Variants in GPC6 observed in about 807,000 individuals in gnomAD.
The protein encoded by GPC6 is glypican 6.
Under a neutral mutation model 55.2 loss-of-function variants are expected in GPC6, and 14 were observed. The observed-to-expected ratio is 0.25, with a 90% CI of 0.17 to 0.40. The LOEUF is 0.40. Ranked by LOEUF, GPC6 falls within the 10% of genes least tolerant of loss-of-function variation. GPC6 has a pLI of 1.00. For missense variants in GPC6, 641 were observed against 708.5 expected, an observed-to-expected ratio of 0.90 and a Z score of 1.08; for synonymous variants, 278 against 259.6, an observed-to-expected ratio of 1.07 and a Z score of -0.68.
At chr13:94,250,107 G>A (rs1386381396) in intron 4 of GPC6, among the ~76,000 whole-genome samples, 1 of 152,188 alleles carries the variant, frequency 6.6e-6, no homozygotes, top group African/African-American at 2.4e-5. Flanking sequence ...ATTAAGCACT[G>A]TGGATGAACA....
intron 4 of GPC6, among the ~76,000 whole-genome samples, chr13:94,240,739 G>A (rs1007137273): frequency 1.3e-5 from 2 of 152,136 alleles, no homozygotes; most frequent in Non-Finnish European, 2.9e-5. Context: ...GAGTGTGGGG[G>A]CACAGCAGTG....
chr13:93,554,910 A>G (rs1300944565), intron 2 of GPC6, among the ~76,000 whole-genome samples: 1 of 152,218 alleles, frequency 6.6e-6, no homozygotes, highest in Non-Finnish European at 1.5e-5. Context: ...TGCTATATTC[A>G]TTAAACGAAC....
chr13:94,345,902 C>A (rs1347411372), intron 6 of GPC6, among the ~76,000 whole-genome samples: 1 of 152,112 alleles, frequency 6.6e-6, no homozygotes, highest in East Asian at 1.9e-4. Flanking sequence ...AGCATGCGCC[C>A]CCTGAAGGAT....
chr13:93,723,646 C>T (rs1309969488), intron 2 of GPC6, among the ~76,000 whole-genome samples: 2 of 151,956 alleles, frequency 1.3e-5, no homozygotes, highest in Non-Finnish European at 2.9e-5. Flanking sequence ...CCATGGATAA[C>T]TGATAGACTT....
chr13:93,957,673 G>T (rs1879568043), intron 3 of GPC6, among the ~76,000 whole-genome samples: 1 of 152,100 alleles, frequency 6.6e-6, no homozygotes, highest in South Asian at 2.1e-4. Flanking sequence ...GTGATAGTAT[G>T]GTAATGAACA....
chr13:93,770,066 A>G (rs1382694628), intron 2 of GPC6, among the ~76,000 whole-genome samples: 1 of 152,248 alleles, frequency 6.6e-6, no homozygotes. Flanking sequence ...TAGTTACCCT[A>G]TTTAGGGTTG....
chr13:93,336,272 C>A (rs1316798926), intron 1 of GPC6, among the ~76,000 whole-genome samples: 1 of 152,176 alleles, frequency 6.6e-6, no homozygotes, highest in African/African-American at 2.4e-5. Flanking sequence ...ATGTGTTTGA[C>A]ATACCATATT....
At chr13:94,256,054 C>G (rs1007506489) in intron 4 of GPC6, among the ~76,000 whole-genome samples, 1 of 151,738 alleles carries the variant, frequency 6.6e-6, no homozygotes. Flanking sequence ...TGGACAAAAT[C>G]AAAGTGGAAA....
intron 4 of GPC6, among the ~76,000 whole-genome samples, chr13:94,158,421 A>G (rs1888034237): frequency 6.6e-6 from 1 of 152,036 alleles, no homozygotes; most frequent in African/African-American, 2.4e-5. Context: ...AAAGATGATA[A>G]CTCACATGCC....
At chr13:93,472,713 A>T (rs1027450328) in intron 1 of GPC6, among the ~76,000 whole-genome samples, 5 of 152,158 alleles carry the variant, frequency 3.3e-5, no homozygotes, top group African/African-American at 4.8e-5. Context: ...TCTCTTTGCA[A>T]TGTGTTGAGA....
intron 2 of GPC6, among the ~76,000 whole-genome samples, chr13:93,573,269 T>C (rs914838227): frequency 3.3e-5 from 5 of 151,940 alleles, no homozygotes; most frequent in African/African-American, 1.2e-4. Flanking sequence ...GGAATAAATA[T>C]TTAAAAAAAA....
intron 1 of GPC6, among the ~76,000 whole-genome samples, chr13:93,540,281 T>C (rs146665954): frequency 6.6e-6 from 1 of 152,162 alleles, no homozygotes; most frequent in Non-Finnish European, 1.5e-5. Flanking sequence ...TTACAAAATA[T>C]TTTTATCATA....
chr13:94,341,402 T>G (rs541786905), intron 6 of GPC6, among the ~76,000 whole-genome samples: 1 of 152,080 alleles, frequency 6.6e-6, no homozygotes. Flanking sequence ...CTGGCCAACA[T>G]GGTGAAACCC....
chr13:94,108,825 A>G (rs1321182872), intron 4 of GPC6, among the ~76,000 whole-genome samples: 1 of 151,434 alleles, frequency 6.6e-6, no homozygotes, highest in African/African-American at 2.4e-5. Flanking sequence ...CTGAGCAACA[A>G]GAGCGAGACT....
chr13:93,468,296 A>G (rs1206479788), intron 1 of GPC6, among the ~76,000 whole-genome samples: 1 of 152,124 alleles, frequency 6.6e-6, no homozygotes, highest in Non-Finnish European at 1.5e-5. Flanking sequence ...AGATTAGTTC[A>G]CTTATTTTAA....
At chr13:94,331,355 T>A (rs921801810) in intron 6 of GPC6, among the ~76,000 whole-genome samples, 1 of 152,134 alleles carries the variant, frequency 6.6e-6, no homozygotes, top group Non-Finnish European at 1.5e-5. Context: ...ACCTATCCTT[T>A]CAGAGAGGAA....
chr13:93,664,808 C>A (rs776673805), intron 2 of GPC6, among the ~76,000 whole-genome samples: 2 of 152,098 alleles, frequency 1.3e-5, no homozygotes, highest in African/African-American at 2.4e-5. Flanking sequence ...AAACATTTTT[C>A]TTTTTACTTG....
chr13:93,416,138 A>T (rs1486545324), intron 1 of GPC6, among the ~76,000 whole-genome samples: 1 of 152,038 alleles, frequency 6.6e-6, no homozygotes, highest in Non-Finnish European at 1.5e-5. Flanking sequence ...TTTGCTTGAA[A>T]AATTGGTGTT....
intron 3 of GPC6, among the ~76,000 whole-genome samples, chr13:93,905,660 C>T (rs1457279424): frequency 2.6e-5 from 4 of 152,178 alleles, no homozygotes; most frequent in Non-Finnish European, 4.4e-5. Context: ...TGTTTTACAA[C>T]ACCAGAGTCT....
Sources: allele counts gnomAD v4.1 joint callset (sites outside exome capture counted in the v4.1 genomes callset), GRCh38; gene constraint gnomAD v4.1.1; transcripts MANE v1.5; gene names NCBI Gene and HGNC (gene_info 2026-07-23, HGNC 2026-07-21).